UPP2: variants seen among roughly 807,000 people sequenced by gnomAD.
The protein encoded by UPP2 is UPase 2.
In UPP2, 23 loss-of-function variants were observed where a neutral mutation model predicts 26.7. The observed-to-expected ratio is 0.86, with a 90% CI of 0.62 to 1.22. The LOEUF (loss-of-function observed/expected upper bound fraction) is 1.22, where lower values mean the gene tolerates loss of function less well. Among genes scored for constraint, UPP2 ranks in the 50% most tolerant of loss-of-function variants. The pLI, the probability that UPP2 is intolerant of heterozygous loss-of-function variation, is 0.00. For missense variants in UPP2, 387 were observed against 396.7 expected, an observed-to-expected ratio of 0.98 and a Z score of 0.21; for synonymous variants, 127 against 141.3, an observed-to-expected ratio of 0.90 and a Z score of 0.72.
chr2:158,057,423 C>T (rs1001803023), intron 3 of UPP2, among the ~76,000 whole-genome samples: 1 of 152,280 alleles, frequency 6.6e-6, no homozygotes, highest in Middle Eastern at 3.4e-3. Flanking sequence ...ATCAGCATGA[C>T]CTCATGGATA....
At chr2:158,114,043 A>T (rs1683371984) in intron 2 of UPP2, among the ~76,000 whole-genome samples, 2 of 152,080 alleles carry the variant, frequency 1.3e-5, no homozygotes, top group Admixed American at 6.6e-5. Flanking sequence ...TGTTTTTCCT[A>T]TTTTGGAGAT....
At chr2:157,997,794 A>C (rs1348077149) in intron 2 of UPP2, among the ~76,000 whole-genome samples, 1 of 152,164 alleles carries the variant, frequency 6.6e-6, no homozygotes, top group Admixed American at 6.5e-5. Context: ...TCATCTGGGG[A>C]AGATGCTTTG....
At chr2:158,083,566 G>T (rs939760982) in intron 3 of UPP2, among the ~76,000 whole-genome samples, 1 of 151,878 alleles carries the variant, frequency 6.6e-6, no homozygotes, top group Admixed American at 6.6e-5. Flanking sequence ...GGGATGGGGG[G>T]TTAGGGGAGG....
chr2:158,069,882 C>T (rs1397328294), intron 3 of UPP2, among the ~76,000 whole-genome samples: 1 of 152,116 alleles, frequency 6.6e-6, no homozygotes, highest in Non-Finnish European at 1.5e-5. Context: ...CTAGTAAAGG[C>T]CTTCTTCCAA....
At chr2:158,127,675 C>A (rs1188574778) in intron 6 of UPP2, among the ~76,000 whole-genome samples, 1 of 152,324 alleles carries the variant, frequency 6.6e-6, no homozygotes, top group African/African-American at 2.4e-5. Flanking sequence ...GATCTACAAC[C>A]TCTGGGTCTG....
chr2:158,030,802 A>G (rs1455861280), intron 3 of UPP2, among the ~76,000 whole-genome samples: 1 of 152,182 alleles, frequency 6.6e-6, no homozygotes, highest in Admixed American at 6.5e-5. Context: ...TAGACCCAAG[A>G]CCTAACCTAG....
chr2:158,122,412 T>G (rs1245350647), intron 5 of UPP2, among the ~76,000 whole-genome samples: 1 of 152,112 alleles, frequency 6.6e-6, no homozygotes, highest in Non-Finnish European at 1.5e-5. Flanking sequence ...ATCTATACAT[T>G]TTACTTCCGG....
intron 2 of UPP2, among the ~76,000 whole-genome samples, chr2:158,107,499 AG>A (rs1238130095): frequency 6.6e-6 from 1 of 152,168 alleles, no homozygotes; most frequent in African/African-American, 2.4e-5. Context: ...TCATTGCACT[AG>A]GAGGACCCTT....
At chr2:158,076,906 T>C (rs1682639027) in intron 3 of UPP2, among the ~76,000 whole-genome samples, 1 of 152,106 alleles carries the variant, frequency 6.6e-6, no homozygotes, top group Non-Finnish European at 1.5e-5. Flanking sequence ...GATATGATCT[T>C]ATATTTGGAA....
Position 158,121,445 on chromosome 2 carries a change from C to T in UPP2, c.491C>T (p.Ala164Val), listed in dbSNP as rs150046978. The change falls in exon 5 of 7, where the codon GCT (alanine) becomes GTT (valine). Residue 164 changes from alanine (A) to valine (V), a missense_variant. Transcript: ENST00000005756. ...GGGACTGTTGTAATAACGGATATAG[C>T]TGTAGACTCCTTCTTTAAGCCCCGG... ...APGTVVITDI[A>V]VDSFFKPRFE... 2 of 1,613,212 alleles carry T rather than the reference C, an allele frequency of 1.2e-6. No individual in the cohort carries two copies. The highest frequency in any genetic ancestry group is 2.7e-5 in the African/African-American group (2 of 74,874).
chr2:158,117,454 CA>C (rs1285809348), intron 3 of UPP2, among the ~76,000 whole-genome samples: 1 of 151,916 alleles, frequency 6.6e-6, no homozygotes. Context: ...TCCTCAAAAT[CA>C]AGTCAATCGT....
intron 3 of UPP2, among the ~76,000 whole-genome samples, chr2:158,066,344 C>T (rs771244254): frequency 2.0e-5 from 3 of 152,196 alleles, no homozygotes. Context: ...CGAAATCATG[C>T]AGTATTGAGT....
chr2:158,059,500 T>A (rs1682316570), intron 3 of UPP2, among the ~76,000 whole-genome samples: 1 of 152,242 alleles, frequency 6.6e-6, no homozygotes, highest in Non-Finnish European at 1.5e-5. Context: ...GTCAGTCACA[T>A]TTTAACATAA....
intron 6 of UPP2, among the ~76,000 whole-genome samples, chr2:158,127,745 T>A (rs974713569): frequency 6.6e-6 from 1 of 152,240 alleles, no homozygotes; most frequent in Non-Finnish European, 1.5e-5. Context: ...CAGAAGTCAC[T>A]GTTGCTATCC....
chr2:158,017,393 C>A (rs1416389588), intron 3 of UPP2, among the ~76,000 whole-genome samples: 1 of 151,998 alleles, frequency 6.6e-6, no homozygotes, highest in East Asian at 1.9e-4. Flanking sequence ...CAGAAGTCAT[C>A]TTAGTACTTA....
chr2:158,048,826 G>A (rs1474737209), intron 3 of UPP2, among the ~76,000 whole-genome samples: 2 of 152,190 alleles, frequency 1.3e-5, no homozygotes, highest in Non-Finnish European at 2.9e-5. Context: ...AAAGGAGGAA[G>A]GCAGAAAGCC....
intron 2 of UPP2, among the ~76,000 whole-genome samples, chr2:158,109,132 C>T (rs1683258520): frequency 6.6e-6 from 1 of 151,882 alleles, no homozygotes; most frequent in South Asian, 2.1e-4. Context: ...TCCTTAAATC[C>T]CAGGGCAGCA....
At chr2:158,054,276 G>T (rs1413430653) in intron 3 of UPP2, among the ~76,000 whole-genome samples, 1 of 151,204 alleles carries the variant, frequency 6.6e-6, no homozygotes, top group Non-Finnish European at 1.5e-5. Flanking sequence ...GTAAATAAAT[G>T]AATAAATAAA....
intron 3 of UPP2, among the ~76,000 whole-genome samples, chr2:158,043,030 C>T (rs2355164): frequency 0.21 from 32,553 of 152,192 alleles, 4,599 homozygotes; most frequent in East Asian, 0.47. Flanking sequence ...GCCCTAAATG[C>T]TTGTAGCTTT....
Sources: allele counts gnomAD v4.1 joint callset (sites outside exome capture counted in the v4.1 genomes callset), GRCh38; gene constraint gnomAD v4.1.1; transcripts MANE v1.5; gene names NCBI Gene and HGNC (gene_info 2026-07-23, HGNC 2026-07-21).